The following CACNA1D variants were observed in gnomAD, a reference collection of about 807,000 sequenced individuals.
CACNA1D encodes voltage-dependent L-type calcium channel subunit alpha-1D.
In CACNA1D, 55 loss-of-function variants were observed where a neutral mutation model predicts 257.1. The ratio of observed to expected loss-of-function variants is 0.21; its 90% CI spans 0.17 to 0.27. The LOEUF is 0.27. CACNA1D is among the 10% of genes least tolerant of loss of function. The pLI, the probability that CACNA1D is intolerant of heterozygous loss-of-function variation, is 1.00. For synonymous variants in CACNA1D, 980 were observed against 1,014.9 expected (o/e 0.97, Z 0.65); for missense variants, 1,876 against 2,784.0 (o/e 0.67, Z 7.34).
At chr3:53,585,324 G>T (rs572518470) in intron 3 of CACNA1D, among the ~76,000 whole-genome samples, 1 of 152,254 alleles carries the variant, frequency 6.6e-6, no homozygotes, top group South Asian at 2.1e-4. Context: ...TGGGAGTCAG[G>T]CTGGGGCATT....
chr3:53,594,806 C>T (rs2093350936), intron 3 of CACNA1D, among the ~76,000 whole-genome samples: 1 of 152,236 alleles, frequency 6.6e-6, no homozygotes, highest in Non-Finnish European at 1.5e-5. Context: ...GTGGCAGCCA[C>T]TGTCATAGGC....
chr3:53,653,310 CTTTAAA>C (rs2094116860), intron 4 of CACNA1D, among the ~76,000 whole-genome samples: 1 of 152,062 alleles, frequency 6.6e-6, no homozygotes, highest in Non-Finnish European at 1.5e-5. Context: ...ACTCAACATT[CTTTAAA>C]GGAAGACAAC....
intron 8 of CACNA1D, among the ~76,000 whole-genome samples, chr3:53,699,456 G>A (rs2094600613): frequency 6.6e-6 from 1 of 152,206 alleles, no homozygotes; most frequent in African/African-American, 2.4e-5. Flanking sequence ...CAGCGGAACA[G>A]GTATTGTTGT....
chr3:53,624,678 C>T (rs747956073), intron 3 of CACNA1D, among the ~76,000 whole-genome samples: 5 of 152,148 alleles, frequency 3.3e-5, no homozygotes, highest in African/African-American at 7.2e-5. Context: ...ATGGCATTAC[C>T]GTAATTCTGT....
intron 8 of CACNA1D, among the ~76,000 whole-genome samples, chr3:53,693,369 G>A (rs1162204417): frequency 6.6e-6 from 1 of 152,080 alleles, no homozygotes; most frequent in Admixed American, 6.5e-5. Flanking sequence ...AGGGAAAAAT[G>A]GAACAAATAC....
At chr3:53,559,511 C>T (rs1395998041) in intron 3 of CACNA1D, among the ~76,000 whole-genome samples, 1 of 152,180 alleles carries the variant, frequency 6.6e-6, no homozygotes, top group Non-Finnish European at 1.5e-5. Context: ...CCTGACTTCT[C>T]TGGGCTATGT....
At chr3:53,689,187 G>A (rs2094498127) in intron 8 of CACNA1D, among the ~76,000 whole-genome samples, 1 of 152,106 alleles carries the variant, frequency 6.6e-6, no homozygotes, top group Non-Finnish European at 1.5e-5. Context: ...CGTTAGGATG[G>A]TAAAGAAAGG....
intron 8 of CACNA1D, among the ~76,000 whole-genome samples, chr3:53,691,324 GA>G (rs1374832991): frequency 2.0e-5 from 3 of 152,038 alleles, no homozygotes; most frequent in Non-Finnish European, 4.4e-5. Context: ...ATTTTTAGTA[GA>G]AATGGGGTTT....
chr3:53,750,794 C>G (rs371249108), intron 27 of CACNA1D, among the ~76,000 whole-genome samples: 1 of 152,146 alleles, frequency 6.6e-6, no homozygotes, highest in Non-Finnish European at 1.5e-5. Context: ...GGAACCTGTC[C>G]GAAGCCTGCA....
intron 8 of CACNA1D, among the ~76,000 whole-genome samples, chr3:53,677,403 C>T (rs1221042428): frequency 1.3e-5 from 2 of 152,200 alleles, no homozygotes; most frequent in Non-Finnish European, 2.9e-5. Context: ...CCTGTCTTGC[C>T]GTCTCCCACA....
chr3:53,745,777 A>G, intron 24 of CACNA1D, 46 bp downstream of exon 24: 5 of 1,605,500 alleles, frequency 3.1e-6, no homozygotes, highest in Non-Finnish European at 4.3e-6. Flanking sequence ...GATTTCTTTA[A>G]GGAGAAGCCT....
At position 53,787,198 on chromosome 3, in the gene CACNA1D, G is replaced by A. The variant is rs1447667506; in HGVS notation, c.4923+246G>A. Among the ~76,000 whole-genome samples, 9 of 152,112 alleles carry A rather than the reference G, an allele frequency of 5.9e-5. No individual in the cohort carries two copies. The East Asian group carries it at 1.5e-3, about 26-fold the overall frequency. ...ACCCACGCGGCAGGGCTGCCAGGAC[G>A]GAGAGGAGCGAGCGCTACCCTCGCA... On this transcript the variant is annotated intron_variant, in intron 40 of 47. Transcript: ENST00000350061.
intron 29 of CACNA1D, among the ~76,000 whole-genome samples, chr3:53,755,709 C>T (rs1396982355): frequency 2.0e-5 from 3 of 152,122 alleles, no homozygotes; most frequent in Non-Finnish European, 4.4e-5. Context: ...TGCGTTCCCC[C>T]CGGCCAGGGG....
rs2095382119 is a variant in CACNA1D, at chr3:53,774,019, C to G, written c.4111-568C>G. On this transcript the variant is annotated intron_variant, in intron 33 of 47. Transcript: ENST00000350061. This position sits in a 1 kb window ranked among gnomAD's most constrained non-coding sequence, Gnocchi z 4.3. ...AGCCCACTCTTCTGCCCGGGGCTCA[C>G]AGCCCCTGCCTGTTGCCTCCTGCCC... 1 of 155,732 alleles carries G rather than the reference C, an allele frequency of 6.4e-6. No homozygotes were observed. Among genetic ancestry groups the G allele is most frequent in the African/African-American group, 2.4e-5 (1 of 41,478 alleles). 9.6% of individuals were successfully genotyped at this position (155,732 alleles called of 1,614,324 possible).
chr3:53,496,125 T>C (rs1234952513), intron 1 of CACNA1D, among the ~76,000 whole-genome samples: 1 of 152,236 alleles, frequency 6.6e-6, no homozygotes, highest in African/African-American at 2.4e-5. Context: ...GCTTTGACTC[T>C]TTACTTAGCA....
intron 8 of CACNA1D, among the ~76,000 whole-genome samples, chr3:53,698,224 G>T (rs1252699039): frequency 6.6e-6 from 1 of 152,136 alleles, no homozygotes; most frequent in African/African-American, 2.4e-5. Flanking sequence ...TCCCCAGAGG[G>T]TTCTTCTCTG....
rs760461918 is a variant in CACNA1D at position 53,740,389 on chromosome 3, A to G, written c.2811+50A>G. The G allele has an allele frequency of 7.3e-6, 9 of 1,229,376 alleles. No individual in the cohort carries two copies. The African/African-American group carries it at 1.2e-4, about 16-fold the overall frequency. 76.2% of individuals were successfully genotyped at this position (1,229,376 alleles called of 1,614,324 possible). ...CATACTCCACAGCAGCTGGAGCAATAATAGTTGCACTTCTTTGTTTGCCTT... is the reference window on the plus strand; with the variant it reads ...CATACTCCACAGCAGCTGGAGCAATGATAGTTGCACTTCTTTGTTTGCCTT... On this transcript the variant is annotated intron_variant, in intron 21 of 47. Transcript: ENST00000350061.
chr3:53,560,664 A>G (rs1306124657), intron 3 of CACNA1D, among the ~76,000 whole-genome samples: 1 of 152,262 alleles, frequency 6.6e-6, no homozygotes, highest in East Asian at 1.9e-4. Flanking sequence ...CGAACAATAC[A>G]TAACTAGTAA....
chr3:53,523,813 T>C (rs1452536618), intron 3 of CACNA1D, among the ~76,000 whole-genome samples: 1 of 152,232 alleles, frequency 6.6e-6, no homozygotes, highest in African/African-American at 2.4e-5. Flanking sequence ...AATCTATTTT[T>C]TGCAGGGAGG....
Sources: gnomAD v4.1 joint callset for allele counts (sites outside exome capture counted in the v4.1 genomes callset) on GRCh38, gnomAD v4.1.1 for gene constraint, Gnocchi (gnomAD v3.1) non-coding constraint, MANE v1.5 for transcripts, NCBI Gene and HGNC (gene_info 2026-07-23, HGNC 2026-07-21) for gene names.